ARHGEF28: variants seen among roughly 807,000 people sequenced by gnomAD.
The protein encoded by ARHGEF28 is Rho guanine nucleotide exchange factor 28.
ARHGEF28 carries 152 observed loss-of-function variants against 206.6 expected under a neutral mutation model. The ratio of observed to expected loss-of-function variants is 0.74; its 90% CI spans 0.64 to 0.84. ARHGEF28 has a LOEUF of 0.84. Ranked by LOEUF, ARHGEF28 falls within the 40% of genes least tolerant of loss-of-function variation. ARHGEF28 has a pLI of 0.00. For missense variants in ARHGEF28, 2,028 were observed against 2,073.2 expected (o/e 0.98, Z 0.42); for synonymous variants, 763 against 776.4 (o/e 0.98, Z 0.29).
At chr5:73,821,267 GTTTA>G (rs1756568564) in intron 9 of ARHGEF28, among the ~76,000 whole-genome samples, 1 of 152,076 alleles carries the variant, frequency 6.6e-6, no homozygotes, top group African/African-American at 2.4e-5. Flanking sequence ...CCATTCTTCC[GTTTA>G]TTCATTCATT....
At chr5:73,851,982 C>T (rs1758731221) in intron 13 of ARHGEF28, among the ~76,000 whole-genome samples, 1 of 152,112 alleles carries the variant, frequency 6.6e-6, no homozygotes, top group Non-Finnish European at 1.5e-5. Context: ...ACAGTGACTG[C>T]CCCCTCCTTC....
chr5:73,787,000 C>A (rs1754199488), intron 7 of ARHGEF28, among the ~76,000 whole-genome samples: 1 of 152,082 alleles, frequency 6.6e-6, no homozygotes, highest in African/African-American at 2.4e-5. Context: ...GTGGATTTTC[C>A]TTATTTGAAT....
At chr5:73,665,920 T>C (rs962734420) in intron 1 of ARHGEF28, among the ~76,000 whole-genome samples, 1 of 152,174 alleles carries the variant, frequency 6.6e-6, no homozygotes, top group Non-Finnish European at 1.5e-5. Flanking sequence ...TTTATCCCAA[T>C]AGTCTTGAAA....
chr5:73,734,315 G>T (rs6890324), intron 2 of ARHGEF28, among the ~76,000 whole-genome samples: 51,534 of 151,928 alleles, frequency 0.34, 10,041 homozygotes, highest in African/African-American at 0.54. Context: ...TCATGGGCAT[G>T]CCCAGAAGAG....
chr5:73,761,330 T>C (rs186178703), intron 4 of ARHGEF28, among the ~76,000 whole-genome samples: 3 of 152,356 alleles, frequency 2.0e-5, no homozygotes, highest in Admixed American at 6.5e-5. Flanking sequence ...GTTGTCCTTG[T>C]ACTATTTTAT....
chr5:73,834,170 A>G (rs755871644), intron 10 of ARHGEF28, among the ~76,000 whole-genome samples: 1 of 152,232 alleles, frequency 6.6e-6, no homozygotes, highest in Non-Finnish European at 1.5e-5. Flanking sequence ...TTAAGCACAT[A>G]TATCATCTCA....
intron 1 of ARHGEF28, among the ~76,000 whole-genome samples, chr5:73,675,434 A>G (rs999409854): frequency 2.0e-5 from 3 of 152,120 alleles, no homozygotes; most frequent in Non-Finnish European, 2.9e-5. Flanking sequence ...AAATGAAAAT[A>G]AAGTATGAAA....
chr5:73,674,732 G>C (rs1746548237), intron 1 of ARHGEF28, among the ~76,000 whole-genome samples: 2 of 152,336 alleles, frequency 1.3e-5, no homozygotes, highest in South Asian at 4.1e-4. Context: ...GGGGAGAAGA[G>C]AGGGGCTGAA....
At chr5:73,784,494 C>G (rs1046891725) in intron 7 of ARHGEF28, among the ~76,000 whole-genome samples, 3 of 152,132 alleles carry the variant, frequency 2.0e-5, no homozygotes, top group African/African-American at 7.2e-5. Context: ...AATAAAAAAC[C>G]TGGCTCCATA....
chr5:73,805,286 G>A (rs1453740358), intron 9 of ARHGEF28, among the ~76,000 whole-genome samples: 2 of 152,076 alleles, frequency 1.3e-5, no homozygotes, highest in Admixed American at 6.6e-5. Context: ...GAACATTAGA[G>A]TGCACCGAGT....
chr5:73,825,998 A>G (rs1002978899), intron 9 of ARHGEF28, among the ~76,000 whole-genome samples: 2 of 152,148 alleles, frequency 1.3e-5, no homozygotes, highest in African/African-American at 2.4e-5. Context: ...GGAAGAGTGG[A>G]GAGAGTGGAG....
At chr5:73,642,476 C>T (rs1032798743) in intron 1 of ARHGEF28, among the ~76,000 whole-genome samples, 1 of 152,290 alleles carries the variant, frequency 6.6e-6, no homozygotes, top group Non-Finnish European at 1.5e-5. Context: ...TCTGACCTCT[C>T]GATACCTGTG....
At chr5:73,712,323 A>G (rs890780041) in intron 2 of ARHGEF28, among the ~76,000 whole-genome samples, 1 of 152,246 alleles carries the variant, frequency 6.6e-6, no homozygotes, top group Non-Finnish European at 1.5e-5. Context: ...TAAGTAGACT[A>G]GGAACCCTTT....
At chr5:73,708,835 TA>T (rs1175465066) in intron 2 of ARHGEF28, among the ~76,000 whole-genome samples, 1 of 152,214 alleles carries the variant, frequency 6.6e-6, no homozygotes, top group East Asian at 1.9e-4. Flanking sequence ...CCACAGTGTA[TA>T]AGCATTCCCT....
chr5:73,655,724 CA>C (rs1745152927), intron 1 of ARHGEF28, among the ~76,000 whole-genome samples: 1 of 152,158 alleles, frequency 6.6e-6, no homozygotes, highest in African/African-American at 2.4e-5. Flanking sequence ...CACAGGGAGC[CA>C]GGGGTAATTT....
At chr5:73,781,179 C>T (rs1044753291) in intron 7 of ARHGEF28, among the ~76,000 whole-genome samples, 1 of 152,150 alleles carries the variant, frequency 6.6e-6, no homozygotes, top group Non-Finnish European at 1.5e-5. Flanking sequence ...TCACGAGGGT[C>T]GGGGGACACC....
At chr5:73,722,327 C>T (rs934723096) in intron 2 of ARHGEF28, among the ~76,000 whole-genome samples, 1 of 152,176 alleles carries the variant, frequency 6.6e-6, no homozygotes, top group African/African-American at 2.4e-5. Flanking sequence ...AGTATGATTT[C>T]CTCTCTCTAA....
chr5:73,924,777 A>G (rs970113352), intron 35 of ARHGEF28, among the ~76,000 whole-genome samples: 2 of 152,200 alleles, frequency 1.3e-5, no homozygotes, highest in African/African-American at 4.8e-5. Flanking sequence ...CCAAACTTCT[A>G]CTGTGCTCCT....
chr5:73,893,201 C>T lies in ARHGEF28; in HGVS notation c.3571C>T (p.Pro1191Ser). 6.5e-7 allele frequency: 1 copy of T among 1,546,028 alleles called. No individual in the cohort carries two copies. Among genetic ancestry groups the T allele is most frequent in the Non-Finnish European group, 8.7e-7 (1 of 1,145,018 alleles). ...CTTGACTATTGTCTTTTAAAGTTGT[C>T]CTGAAGAAAAAGGGGGAAGGACAAG... ...RRIQQAVESC[P>S]EEKGGRTSES... The change falls in exon 28 of 36, where the codon CCT becomes TCT. Residue 1191 changes from proline (P) to serine (S), a missense_variant. Physicochemically the swap from Pro to Ser is moderately conservative, Grantham distance 74 (BLOSUM62 -1). This residue lies in a region of ARHGEF28 where 803 missense variants were observed against 768.0 expected (regional missense o/e 1.05). Transcript: ENST00000513042.
Sources: gnomAD v4.1 joint callset for allele counts (sites outside exome capture counted in the v4.1 genomes callset) on GRCh38, gnomAD v4.1.1 for gene constraint, gnomAD v4.1.1 regional missense constraint, MANE v1.5 for transcripts, NCBI Gene and HGNC (gene_info 2026-07-23, HGNC 2026-07-21) for gene names.